The following RAG1 variants were observed in gnomAD, a reference collection of about 807,000 sequenced individuals.
RAG1 encodes the protein V(D)J recombination-activating protein 1.
In RAG1, 35 loss-of-function variants were observed where a neutral mutation model predicts 62.7. The observed-to-expected ratio is 0.56, with a 90% CI of 0.43 to 0.74. The LOEUF is 0.74. Among genes scored for constraint, RAG1 ranks in the 30% least tolerant of loss-of-function variants. RAG1 has a pLI of 0.00. For missense variants in RAG1, 1,169 were observed against 1,278.6 expected, an observed-to-expected ratio of 0.91 and a Z score of 1.31; for synonymous variants, 461 against 470.3, an observed-to-expected ratio of 0.98 and a Z score of 0.26.
intron 3 of RAG1, among the ~76,000 whole-genome samples, chr11:36,549,407 G>A (rs117851439): frequency 0.03 from 4,567 of 152,168 alleles, 88 homozygotes; most frequent in Non-Finnish European, 0.046. Flanking sequence ...AAGCTACAAG[G>A]AACTTAAACA....
intron 2 of RAG1, among the ~76,000 whole-genome samples, chr11:36,522,067 A>C (rs1463715191): frequency 1.3e-5 from 2 of 150,740 alleles, no homozygotes; most frequent in African/African-American, 4.9e-5. Flanking sequence ...AATGAAATAG[A>C]AAAAAAAAAT....
intron 1 of RAG1, among the ~76,000 whole-genome samples, chr11:36,513,161 A>T (rs929657769): frequency 6.6e-6 from 1 of 152,142 alleles, no homozygotes; most frequent in African/African-American, 2.4e-5. Flanking sequence ...CCAACATAGG[A>T]TGACACAGCA....
At chr11:36,536,652 T>A (rs114339955), downstream of RAG1, among the ~76,000 whole-genome samples, 3,647 of 151,772 alleles carry the variant, frequency 0.024, 134 homozygotes, top group African/African-American at 0.083. Context: ...AAAAATAGCA[T>A]AGGTAGGTGA....
At chr11:36,524,576 C>T (rs532507371) in intron 2 of RAG1, among the ~76,000 whole-genome samples, 1 of 151,778 alleles carries the variant, frequency 6.6e-6, no homozygotes, top group South Asian at 2.1e-4. Flanking sequence ...CAGGCTCCAC[C>T]TTCCCTCGCT....
chr11:36,565,129 G>A (rs949557729), upstream of RAG1, among the ~76,000 whole-genome samples: 1 of 152,190 alleles, frequency 6.6e-6, no homozygotes, highest in Admixed American at 6.5e-5. Context: ...AGTTTTGCTA[G>A]TTAGAGATGT....
chr11:36,560,082 C>T (rs72941528), intron 3 of RAG1, among the ~76,000 whole-genome samples: 8,723 of 152,134 alleles, frequency 0.057, 336 homozygotes, highest in Non-Finnish European at 0.077. Context: ...ATTTGGTTAC[C>T]GGTGGCTGCA....
intron 3 of RAG1, among the ~76,000 whole-genome samples, chr11:36,562,958 A>T (rs1850611044): frequency 6.6e-6 from 1 of 152,080 alleles, no homozygotes; most frequent in African/African-American, 2.4e-5. Flanking sequence ...TGGCTTCCAG[A>T]CAACTGCCTT....
intron 2 of RAG1, among the ~76,000 whole-genome samples, chr11:36,521,159 A>G (rs1860074111): frequency 6.6e-6 from 1 of 151,900 alleles, no homozygotes; most frequent in Non-Finnish European, 1.5e-5. Flanking sequence ...GGGTTTCTCC[A>G]TGTTGGTCAG....
Position 36,575,545 on chromosome 11 carries a change from C to G in RAG1, c.2241C>G (p.His747Gln), listed in dbSNP as rs748827810. ...RLEASQNLVF[H>Q]SITRSHAENL... ...AAGCCTCTCAAAATCTTGTCTTCCACTCTATAACCAGAAGCCATGCTGAGA... is the reference window on the plus strand; with the variant it reads ...AAGCCTCTCAAAATCTTGTCTTCCAGTCTATAACCAGAAGCCATGCTGAGA... The change falls in exon 2 of 2, where the codon CAC becomes CAG. Residue 747 changes from histidine to glutamine, a missense_variant. This residue lies in a region of RAG1 where 800 missense variants were observed against 943.3 expected (regional missense o/e 0.85). Coordinates refer to ENST00000299440, the MANE Select transcript of RAG1 (RefSeq NM_000448.3). The surrounding 1 kb of genome is among the most constrained non-coding windows in gnomAD (Gnocchi z 4.1). 1 of 1,614,090 alleles carries G rather than the reference C, an allele frequency of 6.2e-7. No homozygotes were observed. Among genetic ancestry groups the G allele is most frequent in the Non-Finnish European group, 8.5e-7 (1 of 1,180,056 alleles).
intron 1 of RAG1, among the ~76,000 whole-genome samples, chr11:36,511,493 C>T (rs889753856): frequency 6.6e-6 from 1 of 152,134 alleles, no homozygotes; most frequent in Non-Finnish European, 1.5e-5. Flanking sequence ...AAAACTAGGA[C>T]ATAGTATGGG....
At chr11:36,573,245 G>T (rs1225373255) in intron 1 of RAG1, 46 bp from the exon 2 acceptor site, 7 of 1,566,646 alleles carry the variant, frequency 4.5e-6, no homozygotes, top group Non-Finnish European at 5.3e-6. Context: ...TACATCAGTG[G>T]GATATTGATA....
At chr11:36,568,252 T>A (rs978029865) in intron 1 of RAG1, 130 bp downstream of exon 1, 1 of 152,228 alleles carries the variant, frequency 6.6e-6, no homozygotes, top group Admixed American at 6.5e-5. Context: ...ACATCAATTT[T>A]TTTTTAATGT....
intron 2 of RAG1, among the ~76,000 whole-genome samples, chr11:36,525,775 C>T (rs1030908520): frequency 1.1e-4 from 17 of 152,038 alleles, no homozygotes; most frequent in African/African-American, 3.6e-4. Context: ...GCTAAACTCA[C>T]TTTTTAAATT....
intron 2 of RAG1, among the ~76,000 whole-genome samples, chr11:36,531,941 T>C (rs1472092244): frequency 6.6e-6 from 1 of 152,098 alleles, no homozygotes; most frequent in African/African-American, 2.4e-5. Flanking sequence ...TGTTGCGTTT[T>C]AGATTAAGGA....
At chr11:36,571,758 G>A (rs1564987414) in intron 1 of RAG1, among the ~76,000 whole-genome samples, 1 of 152,072 alleles carries the variant, frequency 6.6e-6, no homozygotes, top group Non-Finnish European at 1.5e-5. Flanking sequence ...GGGATTTCAA[G>A]TGCCTGCCAC....
chr11:36,518,216 A>G (rs1237230023), intron 1 of RAG1, among the ~76,000 whole-genome samples: 1 of 152,026 alleles, frequency 6.6e-6, no homozygotes, highest in Admixed American at 6.6e-5. Flanking sequence ...TATATGTGCC[A>G]CATTTTCTTA....
Position 36,573,884 on chromosome 11 carries a change from G to A in RAG1, c.580G>A (p.Val194Ile). ...HRKFSSAPCE[V>I]YFPRNVTMEW... ...GAAGTTTAGCAGTGCCCCATGTGAG[G>A]TTTACTTCCCGAGGAACGTGACCAT... Residue 194 changes from valine to isoleucine, a missense_variant, in exon 2 of 2, where the codon GTT (valine) becomes ATT (isoleucine). Val to Ile is a conservative substitution (Grantham distance 29, BLOSUM62 3). Around this residue, in one of 2 missense-constraint regions of RAG1, gnomAD observed 369 missense variants for 335.3 expected, o/e 1.10. Transcript: ENST00000299440. 2 of 1,614,128 alleles carry A rather than the reference G, an allele frequency of 1.2e-6. No individual in the cohort carries two copies. The highest frequency in any genetic ancestry group is 1.1e-5 in the South Asian group (1 of 91,080).
At chr11:36,510,839 T>C (rs574736149) in exon 1 of RAG1, 2 of 152,228 alleles carry the variant, frequency 1.3e-5, no homozygotes, top group Non-Finnish European at 2.9e-5. Flanking sequence ...AAATTCCCTG[T>C]TTAACTGGTC....
rs1850805994 is a variant in RAG1 at position 36,574,496 on chromosome 11, C to T, written c.1192C>T (p.His398Tyr). 3 of 1,614,162 alleles carry T rather than the reference C, an allele frequency of 1.9e-6. No individual in the cohort carries two copies. The highest frequency in any genetic ancestry group is 1.1e-5 in the South Asian group (1 of 91,096). ...HINKGGRPRQ[H>Y]LLSLTRRAQK... is the part of the protein sequence containing the mutation. ...TAATAAAGGGGGCCGGCCCCGCCAA[C>T]ATCTTCTGTCGCTGACTCGGAGAGC... The change falls in exon 2 of 2, where the codon CAT (histidine) becomes TAT (tyrosine). Residue 398 changes from histidine (H) to tyrosine (Y), a missense_variant. By Grantham distance (83) the His-to-Tyr change is moderately conservative. Coordinates refer to ENST00000299440, the MANE Select transcript of RAG1 (RefSeq NM_000448.3).
Sources: gnomAD v4.1 joint callset for allele counts (sites outside exome capture counted in the v4.1 genomes callset) on GRCh38, gnomAD v4.1.1 for gene constraint, gnomAD v4.1.1 regional missense constraint, Gnocchi (gnomAD v3.1) non-coding constraint, MANE v1.5 for transcripts, NCBI Gene and HGNC (gene_info 2026-07-23, HGNC 2026-07-21) for gene names.